The following NAAA variants were observed in gnomAD, a reference collection of about 807,000 sequenced individuals.
NAAA encodes N-acylethanolamine acid amidase, also known as N-acylethanolamine-hydrolyzing acid amidase.
In NAAA, 39 loss-of-function variants were observed where a neutral mutation model predicts 44.8. The observed-to-expected ratio is 0.87, with a 90% CI of 0.67 to 1.14. The LOEUF (loss-of-function observed/expected upper bound fraction) is 1.14. Among genes scored for constraint, NAAA ranks in the 50% most tolerant of loss-of-function variants. The pLI, the probability that NAAA is intolerant of heterozygous loss-of-function variation, is 0.00. For missense variants in NAAA, 460 were observed against 467.8 expected (o/e 0.98, Z 0.15); for synonymous variants, 178 against 191.3 (o/e 0.93, Z 0.58).
intron 2 of NAAA, among the ~76,000 whole-genome samples, chr4:75,939,042 G>A (rs868053963): frequency 6.6e-6 from 1 of 152,066 alleles, no homozygotes; most frequent in Admixed American, 6.6e-5. Flanking sequence ...TAGTAGAGAC[G>A]GGGTTTCACC....
intron 2 of NAAA, 90 bp downstream of exon 2, chr4:75,939,911 T>C (rs1481689622): frequency 3.3e-6 from 5 of 1,495,510 alleles, no homozygotes; most frequent in Non-Finnish European, 4.6e-6. Context: ...GCCCTGTTTT[T>C]ATCACACGGA....
chr4:75,914,775 A>G, intron 10 of NAAA, 93 bp downstream of exon 10: 1 of 754,896 alleles, frequency 1.3e-6, no homozygotes, highest in Non-Finnish European at 2.2e-6. Context: ...AAAATATTAT[A>G]TATGTATACA....
rs1553911532 is a variant in NAAA at position 75,918,752 on chromosome 4, G to A, written c.998+9C>T. Reference sequence around the variant, plus strand: ...ATGTGTGAACAGACATGTTTAACAAGCCACTTACTTGTTATAAACTGGAAC... The same window carrying A: ...ATGTGTGAACAGACATGTTTAACAAACCACTTACTTGTTATAAACTGGAAC... On this transcript the variant is annotated intron_variant, in intron 9 of 10. Coordinates refer to ENST00000286733, the MANE Select transcript of NAAA (RefSeq NM_014435.4). 6.2e-7 allele frequency: 1 copy of A among 1,612,926 alleles called. No individual in the cohort carries two copies. Among genetic ancestry groups the A allele is most frequent in the South Asian group, 1.1e-5 (1 of 91,052 alleles).
At chr4:75,912,631 G>C (rs1725376598), downstream of NAAA, among the ~76,000 whole-genome samples, 1 of 151,902 alleles carries the variant, frequency 6.6e-6, no homozygotes, top group South Asian at 2.1e-4. Context: ...AGAATAAGCT[G>C]GGCATAGTGG....
At chr4:75,924,918 T>G (rs1258197339) in intron 5 of NAAA, among the ~76,000 whole-genome samples, 1 of 152,180 alleles carries the variant, frequency 6.6e-6, no homozygotes, top group East Asian at 1.9e-4. Flanking sequence ...TCAAAAGAAT[T>G]TGCCATTTGT....
At chr4:75,928,743 G>A (rs775192568) in intron 4 of NAAA, among the ~76,000 whole-genome samples, 1 of 151,674 alleles carries the variant, frequency 6.6e-6, no homozygotes, top group South Asian at 2.1e-4. Context: ...TTTCATATTC[G>A]TTAATTCATT....
intron 6 of NAAA, 40 bp downstream of exon 6, chr4:75,920,911 T>C: frequency 1.2e-6 from 2 of 1,613,418 alleles, no homozygotes; most frequent in East Asian, 4.5e-5. Flanking sequence ...AAAAAATGAT[T>C]ATCTGATACA....
chr4:75,913,266 C>CT (rs1170672318), downstream of NAAA, among the ~76,000 whole-genome samples: 1 of 151,932 alleles, frequency 6.6e-6, no homozygotes, highest in African/African-American at 2.4e-5. Flanking sequence ...GCCTCACTGT[C>CT]TACCCTCTTT....
chr4:75,940,085 G>A lies in NAAA; in HGVS notation c.287C>T (p.Thr96Ile). 3 of 1,614,094 alleles carry A rather than the reference G, an allele frequency of 1.9e-6. No homozygotes were observed. The highest frequency in any genetic ancestry group is 2.5e-6 in the Non-Finnish European group (3 of 1,179,972). ...GTCACACATGCCGCGGATCTCGCCG[G>A]TGAAGGGCTGGGGCAGGAAGCGCTC... The part of the protein sequence containing the change: ...ELERFLPQPF[T>I]GEIRGMCDFM... The change falls in exon 2 of 11, where the codon ACC (threonine) becomes ATC (isoleucine). Residue 96 changes from threonine (T) to isoleucine (I), a missense_variant. Thr to Ile is a moderately conservative substitution (Grantham distance 89). Transcript: ENST00000286733.
downstream of NAAA, among the ~76,000 whole-genome samples, chr4:75,912,012 C>T (rs1056739088): frequency 2.0e-5 from 3 of 152,168 alleles, no homozygotes; most frequent in African/African-American, 7.2e-5. Flanking sequence ...GCCTGTGAGG[C>T]TAGAAGGAAG....
At chr4:75,932,170 G>A (rs976560403) in intron 3 of NAAA, among the ~76,000 whole-genome samples, 8 of 152,062 alleles carry the variant, frequency 5.3e-5, no homozygotes, top group Non-Finnish European at 7.4e-5. Context: ...CGGAGGTTGC[G>A]GTGAACCGAG....
intron 2 of NAAA, among the ~76,000 whole-genome samples, chr4:75,937,146 C>T (rs955933209): frequency 5.3e-5 from 8 of 152,160 alleles, no homozygotes; most frequent in Admixed American, 2.0e-4. Context: ...TGGGCAAGGG[C>T]ACAGTGGCTC....
chr4:75,921,159 C>T (rs1436584955), intron 5 of NAAA, 36 bp from the exon 6 acceptor site: 4 of 1,540,110 alleles, frequency 2.6e-6, no homozygotes, highest in Non-Finnish European at 3.5e-6. Flanking sequence ...AGCAACCCCA[C>T]CTGCAGTTGG....
At chr4:75,923,219 AC>A (rs1249934698) in intron 5 of NAAA, among the ~76,000 whole-genome samples, 1 of 152,030 alleles carries the variant, frequency 6.6e-6, no homozygotes, top group African/African-American at 2.4e-5. Flanking sequence ...ATTCGTCCTT[AC>A]CAGAGAACAT....
At chr4:75,938,186 G>A (rs573334618) in intron 2 of NAAA, among the ~76,000 whole-genome samples, 8 of 152,334 alleles carry the variant, frequency 5.3e-5, no homozygotes, top group African/African-American at 1.9e-4. Flanking sequence ...AGGGTAGCTA[G>A]TATTATTCTA....
At position 75,940,728 on chromosome 4, in the gene NAAA, C is replaced by A. The variant is rs1177605023; in HGVS notation, c.206+16G>T. ...GGCCGGTGTCCCCGCAGACCCCGTC[C>A]AGGGCCCCAGCTCACCCGATGACTT... is the stretch of plus-strand genomic sequence containing the variant. On this transcript the variant is annotated intron_variant, in intron 1 of 10. Transcript: ENST00000286733. 7 of 1,590,422 alleles carry A rather than the reference C, an allele frequency of 4.4e-6. No homozygotes were observed. Among genetic ancestry groups the A allele is most frequent in the Non-Finnish European group, 5.1e-6 (6 of 1,175,588 alleles).
intron 1 of NAAA, 37 bp downstream of exon 1, chr4:75,940,707 G>T (rs374166577): frequency 6.4e-7 from 1 of 1,572,536 alleles, no homozygotes; most frequent in Non-Finnish European, 8.6e-7. Context: ...CCGCAGGGCC[G>T]GTGTCCCCGC....
At chr4:75,936,397 C>G (rs140356750) in intron 2 of NAAA, among the ~76,000 whole-genome samples, 162 bp from the exon 3 acceptor site, 23 of 152,202 alleles carry the variant, frequency 1.5e-4, no homozygotes, top group Admixed American at 1.1e-3. Flanking sequence ...ATTAACAATT[C>G]AAGATGAAAA....
At chr4:75,917,862 T>C (rs1725777069) in intron 9 of NAAA, 2 of 338,848 alleles carry the variant, frequency 5.9e-6, no homozygotes, top group African/African-American at 2.2e-5. Flanking sequence ...GCTCACAGAA[T>C]GCTGCTATCA....
Sources: gnomAD v4.1 joint callset for allele counts (sites outside exome capture counted in the v4.1 genomes callset) on GRCh38, gnomAD v4.1.1 for gene constraint, MANE v1.5 for transcripts, NCBI Gene and HGNC (gene_info 2026-07-23, HGNC 2026-07-21) for gene names.